The following ATP8A2 variants were observed in gnomAD, a reference collection of about 807,000 sequenced individuals.
The protein encoded by ATP8A2 is phospholipid-transporting ATPase IB.
ATP8A2 carries 100 observed loss-of-function variants against 165.6 expected under a neutral mutation model. That is an observed-to-expected ratio of 0.60 (90% confidence interval 0.51 to 0.71). ATP8A2 has a LOEUF of 0.71. ATP8A2 is among the 30% of genes least tolerant of loss of function. ATP8A2 has a pLI of 0.00. For synonymous variants in ATP8A2, 543 were observed against 548.8 expected, an observed-to-expected ratio of 0.99 and a Z score of 0.15; for missense variants, 1,227 against 1,479.5, an observed-to-expected ratio of 0.83 and a Z score of 2.80.
intron 24 of ATP8A2, among the ~76,000 whole-genome samples, chr13:25,655,739 A>C (rs2041914042): frequency 6.6e-6 from 1 of 152,108 alleles, no homozygotes; most frequent in Non-Finnish European, 1.5e-5. Flanking sequence ...AAAAAAAAAA[A>C]AAAGCAAAAA....
At chr13:25,543,772 C>T (rs1211546852) in intron 10 of ATP8A2, among the ~76,000 whole-genome samples, 1 of 152,098 alleles carries the variant, frequency 6.6e-6, no homozygotes, top group Non-Finnish European at 1.5e-5. Flanking sequence ...TTTAACTGAA[C>T]TTTAGAGACT....
rs554951921 is a variant in ATP8A2 at position 26,023,954 on chromosome 13, G to T, written c.*3969G>T. The T allele has an allele frequency of 1.3e-5, 2 of 152,168 alleles. No individual in the cohort carries two copies. The highest frequency in any genetic ancestry group is 6.5e-5 in the Admixed American group (1 of 15,280). The allele number at this position is 152,168 out of a possible 1,614,324, so 9.4% of individuals were successfully genotyped here. On this transcript the variant is annotated 3_prime_UTR_variant, in exon 37 of 37. Transcript: ENST00000381655. ...GGCAAAGAAATGAGTTTATCAGGTC[G>T]AGTCAAAACATGGCATCCCCTGTTA...
At chr13:25,822,868 C>T (rs987407828) in intron 27 of ATP8A2, among the ~76,000 whole-genome samples, 2 of 152,068 alleles carry the variant, frequency 1.3e-5, no homozygotes, top group African/African-American at 4.8e-5. Context: ...GTTTTTTGTG[C>T]TTAAATATTC....
At chr13:25,565,788 C>G (rs1035044711) in intron 16 of ATP8A2, among the ~76,000 whole-genome samples, 1 of 151,510 alleles carries the variant, frequency 6.6e-6, no homozygotes, top group African/African-American at 2.4e-5. Flanking sequence ...ATTGCATTTG[C>G]TTTTGGGTTC....
chr13:26,015,926 G>A (rs1191989225), intron 36 of ATP8A2, among the ~76,000 whole-genome samples: 1 of 152,240 alleles, frequency 6.6e-6, no homozygotes, highest in African/African-American at 2.4e-5. Context: ...AGGTTCATTA[G>A]GCAGAGCTGG....
chr13:25,809,346 T>G (rs1950811501), intron 27 of ATP8A2, among the ~76,000 whole-genome samples: 1 of 152,046 alleles, frequency 6.6e-6, no homozygotes, highest in Non-Finnish European at 1.5e-5. Context: ...AAACAAAGAA[T>G]AAAAATGAAG....
intron 7 of ATP8A2, among the ~76,000 whole-genome samples, chr13:25,539,378 G>C (rs942017533): frequency 6.6e-6 from 1 of 151,742 alleles, no homozygotes. Flanking sequence ...ATCTCAAAGT[G>C]CTGGGGTTAC....
chr13:25,499,709 T>C (rs1309274149), intron 2 of ATP8A2, among the ~76,000 whole-genome samples: 1 of 152,242 alleles, frequency 6.6e-6, no homozygotes, highest in African/African-American at 2.4e-5. Context: ...TCCAGTGTAC[T>C]ATTTTATTTA....
intron 33 of ATP8A2, among the ~76,000 whole-genome samples, chr13:25,869,107 A>C (rs1357053814): frequency 6.6e-6 from 1 of 151,644 alleles, no homozygotes; most frequent in African/African-American, 2.4e-5. Flanking sequence ...TTTAATTGGT[A>C]ATAAAGAAAA....
intron 35 of ATP8A2, among the ~76,000 whole-genome samples, chr13:25,997,381 T>C (rs561625450): frequency 6.6e-6 from 1 of 152,342 alleles, no homozygotes; most frequent in South Asian, 2.1e-4. Context: ...ATCTTTGTCG[T>C]TGGTTTTTGG....
At chr13:25,468,746 A>G (rs1384292922) in intron 1 of ATP8A2, 1 of 790,070 alleles carries the variant, frequency 1.3e-6, no homozygotes, top group Non-Finnish European at 1.5e-6. Context: ...CACAAGCGCC[A>G]GGGGCCGCGC....
intron 1 of ATP8A2, among the ~76,000 whole-genome samples, chr13:25,396,568 A>C (rs2033432341): frequency 6.6e-6 from 1 of 151,840 alleles, no homozygotes; most frequent in African/African-American, 2.4e-5. Context: ...CCTGGCTCTT[A>C]CCTCTAGGAA....
At chr13:25,513,132 C>T (rs1274992358) in intron 2 of ATP8A2, among the ~76,000 whole-genome samples, 3 of 151,852 alleles carry the variant, frequency 2.0e-5, no homozygotes, top group Non-Finnish European at 2.9e-5. Context: ...GGGGTGGCTG[C>T]CGGGCGGAGG....
intron 25 of ATP8A2, among the ~76,000 whole-genome samples, chr13:25,701,462 C>T (rs76657250): frequency 6.6e-6 from 1 of 152,242 alleles, no homozygotes; most frequent in East Asian, 1.9e-4. Context: ...TACCTCAGAG[C>T]CGTGAGTCAT....
intron 2 of ATP8A2, among the ~76,000 whole-genome samples, chr13:25,513,699 A>C (rs1218072904): frequency 6.6e-6 from 1 of 152,182 alleles, no homozygotes; most frequent in African/African-American, 2.4e-5. Flanking sequence ...CTCCGTCTGC[A>C]ATCCCGGCAC....
intron 17 of ATP8A2, among the ~76,000 whole-genome samples, chr13:25,571,350 A>G (rs9507528): frequency 0.044 from 6,722 of 152,294 alleles, 180 homozygotes; most frequent in Non-Finnish European, 0.066. Context: ...CTTGATCCCA[A>G]GCGAGAATAG....
intron 25 of ATP8A2, among the ~76,000 whole-genome samples, chr13:25,736,849 G>C (rs968283726): frequency 6.6e-6 from 1 of 152,120 alleles, no homozygotes; most frequent in Admixed American, 6.5e-5. Flanking sequence ...GTCCAGACAG[G>C]CACCCCAGGG....
chr13:25,461,066 C>T (rs1175044062), intron 1 of ATP8A2, among the ~76,000 whole-genome samples: 1 of 152,202 alleles, frequency 6.6e-6, no homozygotes, highest in East Asian at 1.9e-4. Context: ...AATCCATGGC[C>T]TGTTACTTCT....
intron 1 of ATP8A2, among the ~76,000 whole-genome samples, chr13:25,385,625 C>T (rs752556457): frequency 1.3e-5 from 2 of 152,194 alleles, no homozygotes; most frequent in Middle Eastern, 3.2e-3. Flanking sequence ...AACTTCTCTT[C>T]ATATAATTCG....
Sources: gnomAD v4.1 joint callset for allele counts (sites outside exome capture counted in the v4.1 genomes callset) on GRCh38, gnomAD v4.1.1 for gene constraint, MANE v1.5 for transcripts, NCBI Gene and HGNC (gene_info 2026-07-23, HGNC 2026-07-21) for gene names.